The following CHST15 variants were observed in gnomAD, a reference collection of about 807,000 sequenced individuals.
CHST15 encodes the protein carbohydrate sulfotransferase 15.
CHST15 carries 30 observed loss-of-function variants against 53.6 expected under a neutral mutation model. The observed-to-expected ratio is 0.56, with a 90% CI of 0.42 to 0.76. The LOEUF (loss-of-function observed/expected upper bound fraction) is 0.76, where lower values mean the gene tolerates loss of function less well. Among genes scored for constraint, CHST15 ranks in the 30% least tolerant of loss-of-function variants. CHST15 has a pLI of 0.00. For synonymous variants in CHST15, 296 were observed against 289.8 expected (o/e 1.02, Z -0.22); for missense variants, 627 against 740.5 (o/e 0.85, Z 1.78).
chr10:124,049,612 G>T (rs1948122929), intron 1 of CHST15, among the ~76,000 whole-genome samples: 1 of 152,174 alleles, frequency 6.6e-6, no homozygotes, highest in South Asian at 2.1e-4. Flanking sequence ...TGGATCCTTC[G>T]AGGTGCTGGG....
At position 124,007,886 on chromosome 10, in the gene CHST15, T is replaced by C; in HGVS notation, c.*2263A>G. The C allele has an allele frequency of 8.1e-7, 1 of 1,232,130 alleles. No individual in the cohort carries two copies. The highest frequency in any genetic ancestry group is 4.1e-5 in the South Asian group (1 of 24,308). The allele number at this position is 1,232,130 out of a possible 1,614,324, so 76.3% of individuals were successfully genotyped here. ...TGCTCCAATTTGCTTTGGTTTTGAA[T>C]GGCAGGCTCGAGAACCACCGCCCAG... On this transcript the variant is annotated 3_prime_UTR_variant, in exon 8 of 8. Transcript: ENST00000435907.
rs143924299 is a variant in CHST15, at chr10:124,040,203, C to T, written c.1034-1532G>A. Among the ~76,000 whole-genome samples the T allele has an allele frequency of 3.9e-5, 6 of 152,302 alleles. No individual in the cohort carries two copies. The East Asian group carries it at 9.6e-4, about 24-fold the overall frequency. On this transcript the variant is annotated intron_variant, in intron 4 of 7. Coordinates refer to ENST00000435907, the MANE Select transcript of CHST15 (RefSeq NM_001270764.2). ...TAGAGCCATGGAGGCGTTTGTCCATCCACCTGACTGTCTTCCTTCCATCCA... is the reference window on the plus strand; with the variant it reads ...TAGAGCCATGGAGGCGTTTGTCCATTCACCTGACTGTCTTCCTTCCATCCA...
At chr10:124,088,956 T>C (rs1482384971) in intron 1 of CHST15, among the ~76,000 whole-genome samples, 1 of 152,226 alleles carries the variant, frequency 6.6e-6, no homozygotes, top group Admixed American at 6.5e-5. Flanking sequence ...TAAATCATTT[T>C]GTCCCAGTGC....
intron 1 of CHST15, among the ~76,000 whole-genome samples, chr10:124,062,928 T>C (rs935689678): frequency 2.7e-5 from 4 of 150,166 alleles, no homozygotes; most frequent in Admixed American, 6.6e-5. Flanking sequence ...GTTGGGGGGC[T>C]TGGCTAAAGC....
At chr10:124,067,043 C>T (rs75682619) in intron 1 of CHST15, among the ~76,000 whole-genome samples, 6,570 of 152,322 alleles carry the variant, frequency 0.043, 451 homozygotes, top group African/African-American at 0.15. Flanking sequence ...AGCACTGTGC[C>T]GGGCATGCAG....
chr10:124,054,957 C>T (rs964144705), intron 1 of CHST15, among the ~76,000 whole-genome samples: 8 of 152,176 alleles, frequency 5.3e-5, no homozygotes, highest in Admixed American at 5.2e-4. Context: ...CCATAGACTC[C>T]TCTGGGAGGA....
chr10:124,038,461 GTTCTTCAAAAGTTCCTC>G, intron 5 of CHST15, 37 bp downstream of exon 5: 1 of 1,586,792 alleles, frequency 6.3e-7, no homozygotes, highest in Non-Finnish European at 8.6e-7. Context: ...GGGGAACACT[GTTCTTCAAAAGTTCCTC>G]TTCTCACCCC....
intron 6 of CHST15, among the ~76,000 whole-genome samples, chr10:124,014,276 C>T (rs577148781): frequency 4.2e-4 from 64 of 152,300 alleles, no homozygotes; most frequent in South Asian, 3.1e-3. Context: ...ACATGGTTCT[C>T]GGGTGCAACT....
intron 1 of CHST15, among the ~76,000 whole-genome samples, chr10:124,054,046 G>C (rs1317437763): frequency 1.3e-5 from 2 of 152,146 alleles, no homozygotes; most frequent in East Asian, 3.9e-4. Context: ...GACAACCACA[G>C]CTGTTTTGTT....
At chr10:124,044,150 G>T (rs1040649906) in intron 3 of CHST15, among the ~76,000 whole-genome samples, 1 of 150,484 alleles carries the variant, frequency 6.6e-6, no homozygotes, top group Admixed American at 6.6e-5. Context: ...GCACAGAGCA[G>T]GAAACGGCAC....
At position 124,019,964 on chromosome 10, in the gene CHST15, G is replaced by A; in HGVS notation, c.1347+1292C>T. 1 of 985,846 alleles carries A rather than the reference G, an allele frequency of 1.0e-6. No individual in the cohort carries two copies. The highest frequency in any genetic ancestry group is 1.7e-5 in the African/African-American group (1 of 57,350). The allele number at this position is 985,846 out of a possible 1,614,324, so 61.1% of individuals were successfully genotyped here. A position where few individuals can be genotyped will look rare whatever the true frequency, so the allele number is the denominator to read the frequency against. ...CAGTTCCCTGGCCAACTCTCCTTCA[G>A]GCCTCAGCACAGACATTCCCTCTCC... On this transcript the variant is annotated intron_variant, in intron 6 of 7. Coordinates refer to ENST00000435907, the MANE Select transcript of CHST15 (RefSeq NM_001270764.2). The surrounding 1 kb of genome is among the most constrained non-coding windows in gnomAD (Gnocchi z 4.6).
intron 1 of CHST15, among the ~76,000 whole-genome samples, chr10:124,082,608 C>T (rs537069320): frequency 6.6e-6 from 1 of 152,346 alleles, no homozygotes; most frequent in Admixed American, 6.5e-5. Flanking sequence ...CCCAAAGAAG[C>T]TTGTACACAA....
In CHST15 at chr10:124,009,649, C is replaced by G; in HGVS notation, c.*500G>C. The G allele has an allele frequency of 1.0e-6, 1 of 1,001,522 alleles. No homozygotes were observed. The highest frequency in any genetic ancestry group is 4.2e-5 in the South Asian group (1 of 23,720). The allele number at this position is 1,001,522 out of a possible 1,614,324, so 62.0% of individuals were successfully genotyped here. A position where few individuals can be genotyped will look rare whatever the true frequency, so the allele number is the denominator to read the frequency against. On this transcript the variant is annotated 3_prime_UTR_variant, in exon 8 of 8. Coordinates refer to ENST00000435907, the MANE Select transcript of CHST15 (RefSeq NM_001270764.2). The stretch of plus-strand genomic sequence containing the variant: ...CAGAAGTGAATGTGGTATGATCACA[C>G]CTGTGAAGATAGCCATTGAATACAG...
At chr10:124,090,412 C>A (rs78274473) in intron 1 of CHST15, among the ~76,000 whole-genome samples, 2,175 of 152,256 alleles carry the variant, frequency 0.014, 71 homozygotes, top group East Asian at 0.11. Flanking sequence ...ACCTTCCAGC[C>A]GAACTCGAAA....
intron 4 of CHST15, 58 bp downstream of exon 4, chr10:124,042,243 C>A: frequency 6.5e-7 from 1 of 1,545,784 alleles, no homozygotes; most frequent in Non-Finnish European, 8.8e-7. Flanking sequence ...AGGCCTGGAG[C>A]CAGAGCCAGG....
At chr10:124,033,156 G>A (rs1947292073) in intron 5 of CHST15, among the ~76,000 whole-genome samples, 2 of 152,210 alleles carry the variant, frequency 1.3e-5, no homozygotes, top group Admixed American at 1.3e-4. Flanking sequence ...TAAACACACA[G>A]TATTTATCAT....
At position 124,060,922 on chromosome 10, in the gene CHST15, A is replaced by G. The variant is rs112082409; in HGVS notation, c.-512-14198T>C. ...GAAGCACTGGTGTAGGGAGAAAGGG[A>G]AAGGAACCAGGATGAGCTGCCATTT... is the stretch of plus-strand genomic sequence containing the variant. On this transcript the variant is annotated intron_variant, in intron 1 of 7. Coordinates refer to ENST00000435907, the MANE Select transcript of CHST15 (RefSeq NM_001270764.2). Among the ~76,000 whole-genome samples, 641 of 152,192 alleles carry G rather than the reference A, an allele frequency of 4.2e-3. 5 individuals are homozygous for G. The highest frequency in any genetic ancestry group is 0.015 in the African/African-American group (611 of 41,516).
chr10:124,048,376 A>G (rs1564886719), intron 1 of CHST15, among the ~76,000 whole-genome samples: 1 of 152,222 alleles, frequency 6.6e-6, no homozygotes, highest in Non-Finnish European at 1.5e-5. Flanking sequence ...AAGGCTGGTC[A>G]GTAGAGGCTG....
At chr10:124,091,952 G>A (rs1156707084) in intron 1 of CHST15, among the ~76,000 whole-genome samples, 1 of 152,052 alleles carries the variant, frequency 6.6e-6, no homozygotes, top group Non-Finnish European at 1.5e-5. Context: ...CCCGGACAGC[G>A]ACGGGGAGGT....
Sources: allele counts gnomAD v4.1 joint callset (sites outside exome capture counted in the v4.1 genomes callset), GRCh38; gene constraint gnomAD v4.1.1; non-coding constraint Gnocchi (gnomAD v3.1); transcripts MANE v1.5; gene names NCBI Gene and HGNC (gene_info 2026-07-23, HGNC 2026-07-21).